Variants in NEDD4L observed in about 807,000 individuals in gnomAD.
The protein encoded by NEDD4L is E3 ubiquitin-protein ligase NEDD4-like.
Under a neutral mutation model 148.9 loss-of-function variants are expected in NEDD4L, and 54 were observed. The ratio of observed to expected loss-of-function variants is 0.36; its 90% confidence interval spans 0.29 to 0.45. NEDD4L has a LOEUF of 0.45. NEDD4L is among the 20% of genes least tolerant of loss of function. The pLI, the probability that NEDD4L is intolerant of heterozygous loss-of-function variation, is 1.00. For synonymous variants in NEDD4L, 433 were observed against 440.7 expected (o/e 0.98, Z 0.22); for missense variants, 856 against 1,233.8 (o/e 0.69, Z 4.59).
chr18:58,065,014 T>G (rs1645635570), intron 1 of NEDD4L, among the ~76,000 whole-genome samples: 1 of 152,226 alleles, frequency 6.6e-6, no homozygotes, highest in South Asian at 2.1e-4. Context: ...CGTATTTTGC[T>G]CACAGGTGCT....
At chr18:58,268,678 C>T (rs2050586603) in intron 5 of NEDD4L, among the ~76,000 whole-genome samples, 1 of 152,006 alleles carries the variant, frequency 6.6e-6, no homozygotes, top group Admixed American at 6.6e-5. Context: ...TCCTTTGTCT[C>T]AGCTACTGAA....
At chr18:58,229,422 C>T (rs368475133) in intron 2 of NEDD4L, among the ~76,000 whole-genome samples, 32 of 152,280 alleles carry the variant, frequency 2.1e-4, no homozygotes, top group Admixed American at 1.4e-3. Flanking sequence ...CTCACATTGC[C>T]TGCGGTGATC....
intron 1 of NEDD4L, among the ~76,000 whole-genome samples, chr18:58,148,028 G>C (rs2034280300): frequency 6.6e-6 from 1 of 150,996 alleles, no homozygotes; most frequent in South Asian, 2.1e-4. Context: ...GACTCAAGGA[G>C]TCCACCCCTC....
chr18:58,301,733 A>C (rs945973604), intron 5 of NEDD4L, among the ~76,000 whole-genome samples: 1 of 152,174 alleles, frequency 6.6e-6, no homozygotes, highest in Non-Finnish European at 1.5e-5. Flanking sequence ...CGGTAGAAAC[A>C]TGGTGCGTAT....
At chr18:58,054,966 A>G (rs1568148692) in intron 1 of NEDD4L, 1 of 152,230 alleles carries the variant, frequency 6.6e-6, no homozygotes. Context: ...GCCAGGAGTA[A>G]GAGCTTTTCC....
At chr18:58,154,027 C>A (rs2035145463) in intron 1 of NEDD4L, among the ~76,000 whole-genome samples, 1 of 152,186 alleles carries the variant, frequency 6.6e-6, no homozygotes, top group Non-Finnish European at 1.5e-5. Flanking sequence ...TAAAGTCAAA[C>A]ATTAATTTCA....
At chr18:58,123,424 T>A (rs1371924891) in intron 1 of NEDD4L, among the ~76,000 whole-genome samples, 1 of 152,184 alleles carries the variant, frequency 6.6e-6, no homozygotes, top group African/African-American at 2.4e-5. Context: ...CACCACCTTT[T>A]CACCCCCTTT....
At chr18:58,056,211 G>GT (rs1246239425) in intron 1 of NEDD4L, among the ~76,000 whole-genome samples, 1 of 152,148 alleles carries the variant, frequency 6.6e-6, no homozygotes, top group African/African-American at 2.4e-5. Flanking sequence ...GTCGATATGT[G>GT]TTTAAAGTGT....
At chr18:58,387,567 A>T (rs2049207600) in intron 27 of NEDD4L, 69 bp downstream of exon 27, 1 of 1,381,626 alleles carries the variant, frequency 7.2e-7, no homozygotes. Flanking sequence ...TTTACAAGTA[A>T]TATTTTAATA....
chr18:58,119,298 G>A (rs1283007039), intron 1 of NEDD4L, among the ~76,000 whole-genome samples: 1 of 152,092 alleles, frequency 6.6e-6, no homozygotes, highest in Non-Finnish European at 1.5e-5. Flanking sequence ...CTAAGGGCCA[G>A]AGCAATGGGG....
chr18:58,158,783 C>T (rs1295617394), intron 1 of NEDD4L, among the ~76,000 whole-genome samples: 2 of 152,140 alleles, frequency 1.3e-5, no homozygotes, highest in African/African-American at 4.8e-5. Context: ...ACTGGACTTG[C>T]AGTCCTGGTG....
intron 5 of NEDD4L, among the ~76,000 whole-genome samples, chr18:58,253,573 G>A (rs1226064996): frequency 2.0e-5 from 3 of 152,204 alleles, no homozygotes; most frequent in African/African-American, 4.8e-5. Flanking sequence ...GAGTTAAGCA[G>A]TATTGAGTAG....
chr18:58,132,105 A>G (rs1308930987), intron 1 of NEDD4L, among the ~76,000 whole-genome samples: 3 of 152,190 alleles, frequency 2.0e-5, no homozygotes, highest in Non-Finnish European at 2.9e-5. Flanking sequence ...CGTTAACCCC[A>G]GGGGACAGAA....
intron 2 of NEDD4L, among the ~76,000 whole-genome samples, chr18:58,208,992 C>T (rs1442184177): frequency 6.6e-6 from 1 of 151,948 alleles, no homozygotes; most frequent in African/African-American, 2.4e-5. Flanking sequence ...GGATTCATTC[C>T]AGTGGGAATT....
intron 1 of NEDD4L, among the ~76,000 whole-genome samples, chr18:58,083,783 AATGCT>A (rs767858866): frequency 6.6e-6 from 1 of 152,250 alleles, no homozygotes; most frequent in Non-Finnish European, 1.5e-5. Context: ...CCATACAATG[AATGCT>A]ATGCTATGCT....
intron 2 of NEDD4L, among the ~76,000 whole-genome samples, chr18:58,202,976 T>A (rs1040017990): frequency 2.0e-5 from 3 of 152,162 alleles, no homozygotes; most frequent in Admixed American, 6.5e-5. Context: ...TACATACTTT[T>A]TTTTTTTAAG....
chr18:58,239,641 A>G (rs1270526248), intron 2 of NEDD4L, among the ~76,000 whole-genome samples: 3 of 152,214 alleles, frequency 2.0e-5, no homozygotes, highest in Non-Finnish European at 1.5e-5. Context: ...CATTACCCCA[A>G]TAATGATTGG....
intron 18 of NEDD4L, among the ~76,000 whole-genome samples, chr18:58,355,646 A>G (rs190648976): frequency 1.8e-4 from 28 of 152,308 alleles, no homozygotes; most frequent in Non-Finnish European, 3.4e-4. Flanking sequence ...CCATCACAAT[A>G]GCAACTTTTA....
intron 1 of NEDD4L, among the ~76,000 whole-genome samples, chr18:58,065,824 G>T (rs1344096182): frequency 2.0e-5 from 3 of 152,120 alleles, no homozygotes; most frequent in Admixed American, 6.5e-5. Flanking sequence ...TATTCCCTGG[G>T]AAAAAACGTG....
Sources: gnomAD v4.1 joint callset for allele counts (sites outside exome capture counted in the v4.1 genomes callset) on GRCh38, gnomAD v4.1.1 for gene constraint, MANE v1.5 for transcripts, NCBI Gene and HGNC (gene_info 2026-07-23, HGNC 2026-07-21) for gene names.